ZBTB44: variants seen among roughly 807,000 people sequenced by gnomAD.
ZBTB44 encodes the protein zinc finger and BTB domain-containing protein 44.
Under a neutral mutation model 54.0 loss-of-function variants are expected in ZBTB44, and 15 were observed. The observed-to-expected ratio is 0.28, with a 90% CI of 0.19 to 0.43. The LOEUF (loss-of-function observed/expected upper bound fraction) is 0.43. ZBTB44 is among the 20% of genes least tolerant of loss of function. The pLI, the probability that ZBTB44 is intolerant of heterozygous loss-of-function variation, is 1.00. For synonymous variants in ZBTB44, 230 were observed against 250.1 expected (o/e 0.92, Z 0.76); for missense variants, 487 against 707.1 (o/e 0.69, Z 3.53).
chr11:130,251,598 T>C (rs1374391623), intron 2 of ZBTB44, among the ~76,000 whole-genome samples: 1 of 150,548 alleles, frequency 6.6e-6, no homozygotes, highest in African/African-American at 2.4e-5. Flanking sequence ...CGGATCTCTC[T>C]ACAGAGAGTG....
Position 130,274,664 on chromosome 11 carries a change from A to C in ZBTB44, c.-56-12735T>G, listed in dbSNP as rs184085287. Among the ~76,000 whole-genome samples, 242 of 152,354 alleles carry C rather than the reference A, an allele frequency of 1.6e-3. 5 individuals are homozygous for C. The South Asian group carries it at 0.035, about 22-fold the overall frequency. ...TTAATATATTCCATTAATTAATTTT[A>C]AATGTTGAACTAGCCTTGGCAACCT... On this transcript the variant is annotated intron_variant, in intron 1 of 7. Coordinates refer to ENST00000357899, the MANE Select transcript of ZBTB44 (RefSeq NM_001301098.2).
chr11:130,285,282 CTTGTT>C (rs1379423463), intron 1 of ZBTB44: 6 of 138,538 alleles, frequency 4.3e-5, no homozygotes, highest in African/African-American at 1.6e-4. Flanking sequence ...TGGAGTTATT[CTTGTT>C]TTCTTTTTTT....
chr11:130,271,691 C>T (rs184147084), intron 1 of ZBTB44, among the ~76,000 whole-genome samples: 18 of 152,212 alleles, frequency 1.2e-4, no homozygotes, highest in African/African-American at 4.1e-4. Context: ...AAAAAATACT[C>T]CACTCCATAT....
chr11:130,285,022 A>G, intron 1 of ZBTB44: 1 of 157,818 alleles, frequency 6.3e-6, no homozygotes. Flanking sequence ...TAATGCAGTC[A>G]CTGACTGTGG....
intron 1 of ZBTB44, among the ~76,000 whole-genome samples, chr11:130,300,138 T>C (rs1941911461): frequency 6.6e-6 from 1 of 151,960 alleles, no homozygotes; most frequent in Non-Finnish European, 1.5e-5. Context: ...AGTAGAAGGG[T>C]GGTTGCCTGG....
chr11:130,273,307 A>ATTTTTTTTTTTTTTT (rs34506406), intron 1 of ZBTB44, among the ~76,000 whole-genome samples: 2 of 126,314 alleles, frequency 1.6e-5, no homozygotes, highest in East Asian at 2.3e-4. Flanking sequence ...TATTTTCTTA[A>ATTTTTTTTTTTTTTT]TTTTTTTTTT....
intron 1 of ZBTB44, among the ~76,000 whole-genome samples, chr11:130,267,603 A>C (rs1230603508): frequency 2.0e-5 from 3 of 151,946 alleles, no homozygotes; most frequent in Non-Finnish European, 2.9e-5. Flanking sequence ...TTAGGTAGAG[A>C]TAGGGGTATC....
At chr11:130,236,330 C>T (rs1954109195) in intron 5 of ZBTB44, 1 of 1,058,160 alleles carries the variant, frequency 9.5e-7, no homozygotes, top group Non-Finnish European at 1.2e-6. Context: ...ACTATAGTTG[C>T]CTTTGAAATT....
At position 130,313,525 on chromosome 11, in the gene ZBTB44, C is replaced by T. The variant is rs557003723; in HGVS notation, c.-57+850G>A. Among the ~76,000 whole-genome samples the T allele has an allele frequency of 1.4e-4, 21 of 152,204 alleles. 1 individual carries two copies. The highest frequency in any genetic ancestry group is 5.9e-4 in the Admixed American group (9 of 15,284). ...GAAGATTTATACAGTATTTTTTAAA[C>T]CCAAGAATTCCAACTGAACACCTAG... On this transcript the variant is annotated intron_variant, in intron 1 of 7. Coordinates refer to ENST00000357899, the MANE Select transcript of ZBTB44 (RefSeq NM_001301098.2).
chr11:130,283,266 A>T (rs918119891), intron 1 of ZBTB44, among the ~76,000 whole-genome samples: 2 of 151,806 alleles, frequency 1.3e-5, no homozygotes, highest in African/African-American at 4.8e-5. Flanking sequence ...GGCTGGTCTC[A>T]AACTTCTGAC....
chr11:130,260,832 AG>A (rs1938811492), intron 2 of ZBTB44, 23 bp downstream of exon 2: 1 of 1,563,596 alleles, frequency 6.4e-7, no homozygotes, highest in Non-Finnish European at 8.6e-7. Context: ...TATAGCACCA[AG>A]AAAAACACAG....
chr11:130,279,884 T>G (rs1486627503), intron 1 of ZBTB44, among the ~76,000 whole-genome samples: 6 of 152,176 alleles, frequency 3.9e-5, no homozygotes. Flanking sequence ...TCAGAAGAGA[T>G]TAAGAACTAT....
chr11:130,268,737 C>A (rs770884012), intron 1 of ZBTB44, among the ~76,000 whole-genome samples: 5 of 151,836 alleles, frequency 3.3e-5, no homozygotes, highest in Non-Finnish European at 5.9e-5. Flanking sequence ...AGACACTACA[C>A]CTGGCTAATT....
chr11:130,239,823 A>T lies in ZBTB44; in HGVS notation c.1092T>A (p.Asp364Glu). 10 of 1,612,372 alleles carry T rather than the reference A, an allele frequency of 6.2e-6. No homozygotes were observed. The highest frequency in any genetic ancestry group is 8.5e-6 in the Non-Finnish European group (10 of 1,178,912). ...ATGTTAGTACTGACCGATCATCATC[A>T]TCCGGAGGAGCATTAGTGCTAGACG... is the stretch of plus-strand genomic sequence containing the variant. ...QSTSSTNAPPDDDDRLENVQY... is the reference protein window; with the variant it reads ...QSTSSTNAPPEDDDRLENVQY... The change falls in exon 3 of 8, where the codon GAT (aspartate) becomes GAA (glutamate). Residue 364 changes from aspartate to glutamate, a missense_variant. This residue lies in a region of ZBTB44 where 277 missense variants were observed against 306.5 expected (regional missense o/e 0.90). Transcript: ENST00000357899.
chr11:130,287,318 A>G (rs1941026439), intron 1 of ZBTB44, among the ~76,000 whole-genome samples: 1 of 152,222 alleles, frequency 6.6e-6, no homozygotes, highest in Non-Finnish European at 1.5e-5. Flanking sequence ...AATGTTTATC[A>G]TAAATCAAAG....
At chr11:130,232,387 T>C (rs1221380819) in intron 7 of ZBTB44, 10 of 152,314 alleles carry the variant, frequency 6.6e-5, no homozygotes, top group Middle Eastern at 3.4e-3. Context: ...GGATCAATAT[T>C]AGAGATGCTT....
intron 1 of ZBTB44, among the ~76,000 whole-genome samples, chr11:130,287,731 G>A (rs1487660662): frequency 6.6e-6 from 1 of 152,130 alleles, no homozygotes; most frequent in East Asian, 1.9e-4. Context: ...AAACTTTGGA[G>A]TATGTGGTTA....
In ZBTB44 at chr11:130,231,309, A is replaced by G. The variant is rs1371882538; in HGVS notation, c.*455T>C. On this transcript the variant is annotated 3_prime_UTR_variant, in exon 8 of 8. Coordinates refer to ENST00000357899, the MANE Select transcript of ZBTB44 (RefSeq NM_001301098.2). ...ATCAAGAAAAATGTACCCTCACTGA[A>G]ATAGAAAAAGGCCTTTATTTGTATC... The G allele has an allele frequency of 6.6e-6, 1 of 152,096 alleles. No individual in the cohort carries two copies. Among genetic ancestry groups the G allele is most frequent in the East Asian group, 1.9e-4 (1 of 5,196 alleles). 9.4% of individuals were successfully genotyped at this position (152,096 alleles called of 1,614,324 possible).
intron 2 of ZBTB44, among the ~76,000 whole-genome samples, chr11:130,242,542 T>A (rs201242521): frequency 2.0e-5 from 3 of 151,500 alleles, no homozygotes. Context: ...GAAAACATAT[T>A]TATTTTCAAA....
Sources: gnomAD v4.1 joint callset for allele counts (sites outside exome capture counted in the v4.1 genomes callset) on GRCh38, gnomAD v4.1.1 for gene constraint, gnomAD v4.1.1 regional missense constraint, MANE v1.5 for transcripts, NCBI Gene and HGNC (gene_info 2026-07-23, HGNC 2026-07-21) for gene names.